Variants in PPP4R1 observed in about 807,000 individuals in gnomAD.
The protein encoded by PPP4R1 is serine/threonine-protein phosphatase 4 regulatory subunit 1.
Under a neutral mutation model 111.2 loss-of-function variants are expected in PPP4R1, and 42 were observed. The observed-to-expected ratio is 0.38, with a 90% CI of 0.29 to 0.49. PPP4R1 has a LOEUF of 0.49. PPP4R1 is among the 20% of genes least tolerant of loss of function. The pLI, the probability that PPP4R1 is intolerant of heterozygous loss-of-function variation, is 0.97. For synonymous variants in PPP4R1, 409 were observed against 405.5 expected (o/e 1.01, Z -0.10); for missense variants, 1,012 against 1,161.6 (o/e 0.87, Z 1.87).
At chr18:9,566,507 C>G (rs948455762) in intron 11 of PPP4R1, among the ~76,000 whole-genome samples, 3 of 151,940 alleles carry the variant, frequency 2.0e-5, no homozygotes, top group African/African-American at 7.2e-5. Context: ...AAAAACTAGC[C>G]AGGCATGGCG....
chr18:9,599,402 AAAG>A (rs1404506083), intron 2 of PPP4R1, among the ~76,000 whole-genome samples: 2 of 152,334 alleles, frequency 1.3e-5, no homozygotes, highest in East Asian at 3.9e-4. Context: ...AAGTAATCTA[AAAG>A]AAGGCAGAAA....
In PPP4R1 at chr18:9,552,469, A is replaced by C. The variant is rs571305547; in HGVS notation, c.2291+853T>G. ...CATTACATACCTCACAAATATGCAC[A>C]ATTATTATTTGGCCAATTTAGAAAT... On this transcript the variant is annotated intron_variant, in intron 16 of 19. Coordinates refer to ENST00000400556, the MANE Select transcript of PPP4R1 (RefSeq NM_001042388.3). 7.2e-5 allele frequency among the ~76,000 whole-genome samples: 11 copies of C among 152,328 alleles called. No individual in the cohort carries two copies. The East Asian group carries it at 1.7e-3, about 24-fold the overall frequency.
chr18:9,551,460 C>T (rs970668874), intron 16 of PPP4R1: 7 of 152,318 alleles, frequency 4.6e-5, no homozygotes, highest in Non-Finnish European at 1.0e-4. Flanking sequence ...ATGTGCCCGA[C>T]ACAGGGAGCT....
chr18:9,577,615 C>T (rs759962796), intron 9 of PPP4R1, among the ~76,000 whole-genome samples: 10 of 152,048 alleles, frequency 6.6e-5, no homozygotes, highest in African/African-American at 2.2e-4. Flanking sequence ...TGTAGTGAGC[C>T]GTGATCACAC....
intron 2 of PPP4R1, among the ~76,000 whole-genome samples, chr18:9,604,199 G>A (rs922429160): frequency 2.6e-5 from 4 of 152,044 alleles, no homozygotes; most frequent in African/African-American, 9.7e-5. Flanking sequence ...TATTTTAGTA[G>A]GTATGCAGTA....
chr18:9,564,521 A>T (rs577499692), intron 11 of PPP4R1, among the ~76,000 whole-genome samples: 4 of 152,208 alleles, frequency 2.6e-5, no homozygotes, highest in Admixed American at 6.5e-5. Context: ...CACTCACAAA[A>T]AGTTGTAGTG....
At chr18:9,596,630 A>C (rs948462884) in intron 2 of PPP4R1, among the ~76,000 whole-genome samples, 2 of 152,114 alleles carry the variant, frequency 1.3e-5, no homozygotes, top group Non-Finnish European at 2.9e-5. Flanking sequence ...AGAGAGAAAA[A>C]GAAAACCACC....
At chr18:9,574,043 C>T (rs1419508266) in intron 10 of PPP4R1, among the ~76,000 whole-genome samples, 1 of 152,086 alleles carries the variant, frequency 6.6e-6, no homozygotes, top group Non-Finnish European at 1.5e-5. Context: ...ATAGTCAATA[C>T]AAAATCAAGC....
Position 9,577,158 on chromosome 18 carries a change from A to G in PPP4R1, c.952T>C (p.Phe318Leu), listed in dbSNP as rs1272696544. ...RQAAFQSLGPFISTFANPSSS... is the reference protein window; with the variant it reads ...RQAAFQSLGPLISTFANPSSS... ...GATGGATTAGCAAAAGTAGATATGA[A>G]AGGTCCCAGAGACTGAAAAGCTGCT... The change falls in exon 10 of 20, where the codon TTC becomes CTC. Residue 318 changes from phenylalanine to leucine, a missense_variant. This residue lies in a region of PPP4R1 where 707 missense variants were observed against 742.1 expected (regional missense o/e 0.95). Coordinates refer to ENST00000400556, the MANE Select transcript of PPP4R1 (RefSeq NM_001042388.3). 1 of 1,609,640 alleles carries G rather than the reference A, an allele frequency of 6.2e-7. No homozygotes were observed. Among genetic ancestry groups the G allele is most frequent in the South Asian group, 1.1e-5 (1 of 90,032 alleles).
At chr18:9,554,484 A>G (rs923503416) in intron 15 of PPP4R1, among the ~76,000 whole-genome samples, 1 of 152,156 alleles carries the variant, frequency 6.6e-6, no homozygotes, top group Admixed American at 6.5e-5. Flanking sequence ...CCAGGAGTAA[A>G]AAGAAAAAAA....
chr18:9,554,986 C>T (rs1000455407), intron 15 of PPP4R1, among the ~76,000 whole-genome samples: 1 of 152,138 alleles, frequency 6.6e-6, no homozygotes, highest in Non-Finnish European at 1.5e-5. Context: ...GTTATTTTTA[C>T]ATGGGAATGT....
At chr18:9,584,632 C>T (rs2067085760) in intron 7 of PPP4R1, 52 bp from the exon 8 acceptor site, 1 of 1,603,582 alleles carries the variant, frequency 6.2e-7, no homozygotes. Flanking sequence ...TAAGGTTCTT[C>T]TAAGATAATC....
At chr18:9,594,073 A>G (rs2067254401) in intron 3 of PPP4R1, 199 bp from the exon 4 acceptor site, 2 of 481,850 alleles carry the variant, frequency 4.2e-6, no homozygotes, top group East Asian at 3.6e-5. Flanking sequence ...GACTACAGGC[A>G]TGCACCACCA....
At chr18:9,548,189 G>A (rs1174513430) in intron 19 of PPP4R1, among the ~76,000 whole-genome samples, 2 of 150,818 alleles carry the variant, frequency 1.3e-5, no homozygotes, top group African/African-American at 2.4e-5. Context: ...TTCAATGACA[G>A]CTAAGGAATA....
rs966280586 is a variant in PPP4R1 at position 9,547,849 on chromosome 18, G to C, written c.2793C>G (p.Ile931Met). Residue 931 changes from isoleucine (I) to methionine (M), a missense_variant, in exon 20 of 20, where the codon ATC (isoleucine) becomes ATG (methionine). Ile to Met is a conservative substitution (Grantham distance 10). This residue lies in a region of PPP4R1 where 305 missense variants were observed against 419.5 expected (regional missense o/e 0.73). Coordinates refer to ENST00000400556, the MANE Select transcript of PPP4R1 (RefSeq NM_001042388.3). ...CGGAGATTTTGGTACTGGCAGGGTG[G>C]ATGCTTGCAAAATACTTGACATCGC... ...RDSDVKYFAS[I>M]HPASTKISED... The C allele has an allele frequency of 1.1e-5, 17 of 1,613,534 alleles. No individual in the cohort carries two copies. The African/African-American group carries it at 2.0e-4, about 19-fold the overall frequency.
chr18:9,572,192 T>TA (rs562508172), intron 10 of PPP4R1, among the ~76,000 whole-genome samples: 78 of 151,988 alleles, frequency 5.1e-4, no homozygotes, highest in African/African-American at 1.7e-3. Flanking sequence ...GAGAAAGAGG[T>TA]AAAGACTGAG....
intron 2 of PPP4R1, among the ~76,000 whole-genome samples, chr18:9,609,440 C>T (rs1251155328): frequency 6.6e-6 from 1 of 152,170 alleles, no homozygotes; most frequent in Admixed American, 6.5e-5. Flanking sequence ...GTAGGAAGGC[C>T]TGAAGATTCT....
chr18:9,570,778 G>C (rs1361254340), intron 10 of PPP4R1, 95 bp from the exon 11 acceptor site: 21 of 1,307,538 alleles, frequency 1.6e-5, no homozygotes, highest in Non-Finnish European at 2.1e-5. Flanking sequence ...ATTTAGACAA[G>C]TTAAACATTA....
chr18:9,583,294 G>A lies in PPP4R1; in HGVS notation c.760-19C>T, dbSNP rs757283797. 2.0e-6 allele frequency: 3 copies of A among 1,516,536 alleles called. No individual in the cohort carries two copies. The highest frequency in any genetic ancestry group is 2.8e-5 in the African/African-American group (2 of 71,656). The allele number at this position is 1,516,536 out of a possible 1,614,324, so 93.9% of individuals were successfully genotyped here. ...TGGGCAGCTATGTGAAAAGGAAAGA[G>A]TCTTGTTAGTTGGATAAAGATAGCA... On this transcript the variant is annotated intron_variant, in intron 8 of 19. Transcript: ENST00000400556.
Sources: allele counts gnomAD v4.1 joint callset (sites outside exome capture counted in the v4.1 genomes callset), GRCh38; gene constraint gnomAD v4.1.1; regional missense constraint gnomAD v4.1.1; transcripts MANE v1.5; gene names NCBI Gene and HGNC (gene_info 2026-07-23, HGNC 2026-07-21).